PDE1C: variants seen among roughly 807,000 people sequenced by gnomAD.
PDE1C encodes dual specificity calcium/calmodulin-dependent 3',5'-cyclic nucleotide phosphodiesterase 1C.
In PDE1C, 62 loss-of-function variants were observed where a neutral mutation model predicts 93.1. The observed-to-expected ratio is 0.67, with a 90% CI of 0.54 to 0.82. PDE1C has a LOEUF of 0.82. PDE1C is among the 40% of genes least tolerant of loss of function. PDE1C has a pLI of 0.00. For missense variants in PDE1C, 742 were observed against 884.6 expected (o/e 0.84, Z 2.04); for synonymous variants, 325 against 310.1 (o/e 1.05, Z -0.50).
Position 32,298,628 on chromosome 7 carries a change from CGA to C in PDE1C, c.85+21_85+22del, listed in dbSNP as rs1374486579. 1.9e-6 allele frequency: 3 copies of C among 1,588,698 alleles called. No homozygotes were observed. The East Asian group carries it at 6.9e-5, about 36-fold the overall frequency. ...AGGGCGTTTGCCCGAGCCAGGAGTCCGAGAGGGGTGGAAAGTTCTCACCTATG... is the reference window on the plus strand; with the variant it reads ...AGGGCGTTTGCCCGAGCCAGGAGTCCGAGGGGTGGAAAGTTCTCACCTATG... On this transcript the variant is annotated intron_variant, in intron 1 of 18. Transcript: ENST00000396193.
At chr7:31,650,992 T>C in the PDE1C span, 3 of 721,130 alleles carry the variant, frequency 4.2e-6, no homozygotes, top group Non-Finnish European at 6.4e-6. Context: ...ACCCAAATAT[T>C]GGGCTCTTCC....
the PDE1C span, chr7:31,642,151 C>T: frequency 0.77 from 1,180,593 of 1,532,236 alleles, 457,262 homozygotes; most frequent in East Asian, 0.87. Flanking sequence ...CCTTTAATAA[C>T]CTCAAGACCT....
chr7:32,092,101 A>G (rs775665039), intron 3 of PDE1C, among the ~76,000 whole-genome samples: 6 of 152,182 alleles, frequency 3.9e-5, no homozygotes, highest in Non-Finnish European at 7.3e-5. Context: ...CCAAGGCTCC[A>G]AGGCCAATCT....
At chr7:32,140,846 G>A (rs937176840) in intron 3 of PDE1C, among the ~76,000 whole-genome samples, 2 of 152,206 alleles carry the variant, frequency 1.3e-5, no homozygotes, top group Admixed American at 6.5e-5. Context: ...GAATCCAGCA[G>A]CATCTTGCCA....
At chr7:31,768,622 G>T (rs1054781639) in intron 17 of PDE1C, among the ~76,000 whole-genome samples, 6 of 152,048 alleles carry the variant, frequency 3.9e-5, no homozygotes, top group Non-Finnish European at 8.8e-5. Flanking sequence ...GAAACATCCC[G>T]CCTTCCATCT....
chr7:32,309,085 A>G (rs1374790269), intron 1 of PDE1C, among the ~76,000 whole-genome samples: 1 of 152,214 alleles, frequency 6.6e-6, no homozygotes, highest in Non-Finnish European at 1.5e-5. Flanking sequence ...CCAAGGCTCA[A>G]GAACTATGTG....
intron 1 of PDE1C, among the ~76,000 whole-genome samples, chr7:32,346,362 A>G (rs1483679560): frequency 6.6e-6 from 1 of 152,242 alleles, no homozygotes; most frequent in African/African-American, 2.4e-5. Context: ...ACTTAGGGTT[A>G]GGACAGTTGC....
rs574485223 is a variant in PDE1C, at chr7:31,800,182, T to C, written c.1891+8849A>G. Among the ~76,000 whole-genome samples, 476 of 151,742 alleles carry C rather than the reference T, an allele frequency of 3.1e-3. 3 individuals carry two copies. Among genetic ancestry groups the C allele is most frequent in the African/African-American group, 0.011 (459 of 41,484 alleles). ...ATGAATATCAGTTATTTAACAAATA[T>C]ATGTTTTGCAAATATCCCCCCAGAA... On this transcript the variant is annotated intron_variant, in intron 16 of 17. Coordinates refer to ENST00000396191, the MANE Select transcript of PDE1C (RefSeq NM_001191057.4).
chr7:32,080,473 C>A (rs1448562959), intron 3 of PDE1C, among the ~76,000 whole-genome samples: 1 of 152,144 alleles, frequency 6.6e-6, no homozygotes, highest in African/African-American at 2.4e-5. Context: ...TTCTACTAGA[C>A]CTGAAGATGT....
At chr7:32,419,575 G>C (rs1246577592) in intron 1 of PDE1C, among the ~76,000 whole-genome samples, 2 of 152,106 alleles carry the variant, frequency 1.3e-5, no homozygotes, top group African/African-American at 4.8e-5. Context: ...GGCACGGCAG[G>C]CTCCTGCTAC....
the PDE1C span, among the ~76,000 whole-genome samples, chr7:31,665,724 C>T: frequency 6.6e-6 from 1 of 152,098 alleles, no homozygotes; most frequent in Non-Finnish European, 1.5e-5. Flanking sequence ...ACCCTTTTGG[C>T]GAATAGCTCA....
intron 7 of PDE1C, among the ~76,000 whole-genome samples, chr7:31,852,614 C>T (rs1482925237): frequency 6.6e-6 from 1 of 152,050 alleles, no homozygotes; most frequent in Admixed American, 6.6e-5. Flanking sequence ...GGTACTGTTG[C>T]TATCCCCACT....
chr7:31,893,073 T>C (rs1320258043), intron 2 of PDE1C, among the ~76,000 whole-genome samples: 2 of 151,996 alleles, frequency 1.3e-5, no homozygotes, highest in Non-Finnish European at 2.9e-5. Flanking sequence ...ATTTTAAAAA[T>C]AAATAAGAGT....
At chr7:31,814,261 G>C (rs906408395) in intron 15 of PDE1C, among the ~76,000 whole-genome samples, 2 of 151,960 alleles carry the variant, frequency 1.3e-5, no homozygotes. Flanking sequence ...TGGGATTGCT[G>C]GATCAAATGG....
rs1482759577 is a variant in PDE1C, at chr7:32,174,129, A to G, written c.137-4173T>C. Among the ~76,000 whole-genome samples, 8 of 152,104 alleles carry G rather than the reference A, an allele frequency of 5.3e-5. 1 individual carries two copies. The East Asian group carries it at 1.5e-3, about 29-fold the overall frequency. ...TTCTGCATTAATGAAGATCAGTTCTATGTTAATGAAGGTCTGGTTCTGGGA... is the reference window on the plus strand; with the variant it reads ...TTCTGCATTAATGAAGATCAGTTCTGTGTTAATGAAGGTCTGGTTCTGGGA... On this transcript the variant is annotated intron_variant, in intron 2 of 18. Coordinates refer to the PDE1C transcript ENST00000396193.
At chr7:31,766,013 G>A (rs1013220064) in intron 17 of PDE1C, among the ~76,000 whole-genome samples, 4 of 152,150 alleles carry the variant, frequency 2.6e-5, no homozygotes, top group African/African-American at 9.7e-5. Flanking sequence ...GAGGGTTATT[G>A]TGAGGATTCA....
At chr7:32,382,130 C>T (rs1427207693) in intron 1 of PDE1C, among the ~76,000 whole-genome samples, 1 of 152,136 alleles carries the variant, frequency 6.6e-6, no homozygotes, top group Non-Finnish European at 1.5e-5. Flanking sequence ...GATTTGAACC[C>T]AGGCAGCATG....
intron 2 of PDE1C, among the ~76,000 whole-genome samples, chr7:32,029,260 ACAG>A (rs1462238278): frequency 7.4e-6 from 1 of 135,266 alleles, no homozygotes; most frequent in African/African-American, 2.7e-5. Flanking sequence ...TTAGTACAGT[ACAG>A]CCATTATGGA....
intron 2 of PDE1C, among the ~76,000 whole-genome samples, chr7:31,909,103 T>C (rs370193289): frequency 2.0e-5 from 3 of 152,002 alleles, no homozygotes; most frequent in African/African-American, 7.2e-5. Flanking sequence ...TTATTATGTA[T>C]CTCCTACTGG....
Sources: allele counts gnomAD v4.1 joint callset (sites outside exome capture counted in the v4.1 genomes callset), GRCh38; gene constraint gnomAD v4.1.1; transcripts MANE v1.5; gene names NCBI Gene and HGNC (gene_info 2026-07-23, HGNC 2026-07-21).